GRM3: variants seen among roughly 807,000 people sequenced by gnomAD.
GRM3 encodes the protein glutamate metabotropic receptor 3, also known as metabotropic glutamate receptor 3.
GRM3 carries 26 observed loss-of-function variants against 70.5 expected under a neutral mutation model. The observed-to-expected ratio is 0.37, with a 90% CI of 0.27 to 0.51. The LOEUF (loss-of-function observed/expected upper bound fraction) is 0.51. GRM3 is among the 20% of genes least tolerant of loss of function. The pLI is 0.93. For missense variants in GRM3, 859 were observed against 1,123.8 expected (o/e 0.76, Z 3.37); for synonymous variants, 443 against 434.9 (o/e 1.02, Z -0.23).
At chr7:86,689,850 T>G (rs1006186505) in intron 1 of GRM3, among the ~76,000 whole-genome samples, 1 of 152,166 alleles carries the variant, frequency 6.6e-6, no homozygotes, top group East Asian at 1.9e-4. Context: ...TAGATTTTCA[T>G]AAAATCCCCT....
chr7:86,741,998 G>C (rs563088647), intron 1 of GRM3, among the ~76,000 whole-genome samples: 1 of 152,232 alleles, frequency 6.6e-6, no homozygotes, highest in Admixed American at 6.5e-5. Flanking sequence ...TTCTCATGAA[G>C]CTGCTATTCA....
At chr7:86,680,663 A>C in intron 1 of GRM3, among the ~76,000 whole-genome samples, 1 of 152,146 alleles carries the variant, frequency 6.6e-6, no homozygotes, top group East Asian at 1.9e-4. Context: ...TTTGTTAAAC[A>C]CTAAATGATT....
At chr7:86,676,165 A>G (rs1794301629) in intron 1 of GRM3, among the ~76,000 whole-genome samples, 1 of 151,990 alleles carries the variant, frequency 6.6e-6, no homozygotes, top group Non-Finnish European at 1.5e-5. Context: ...CAATATGTTT[A>G]TATAATTCCA....
chr7:86,685,808 A>G (rs1377404295), intron 1 of GRM3, among the ~76,000 whole-genome samples: 2 of 150,618 alleles, frequency 1.3e-5, no homozygotes. Context: ...CACAAGGCTG[A>G]GGCAAGAGAA....
intron 1 of GRM3, among the ~76,000 whole-genome samples, chr7:86,685,576 T>C (rs1288959055): frequency 1.3e-5 from 2 of 152,112 alleles, no homozygotes; most frequent in Non-Finnish European, 1.5e-5. Flanking sequence ...TGACCTGAAC[T>C]AGTTCATTCT....
chr7:86,842,444 C>G (rs1217237036), intron 4 of GRM3, among the ~76,000 whole-genome samples: 1 of 152,164 alleles, frequency 6.6e-6, no homozygotes, highest in African/African-American at 2.4e-5. Flanking sequence ...CCTGTTGCCC[C>G]TATCTCCCAC....
intron 1 of GRM3, among the ~76,000 whole-genome samples, chr7:86,740,665 G>A (rs948900500): frequency 6.6e-6 from 1 of 152,140 alleles, no homozygotes; most frequent in African/African-American, 2.4e-5. Flanking sequence ...GGTAGAGACA[G>A]GCTGAAAGAA....
chr7:86,759,188 A>G (rs963550921), intron 1 of GRM3, among the ~76,000 whole-genome samples: 2 of 152,090 alleles, frequency 1.3e-5, no homozygotes, highest in African/African-American at 4.8e-5. Flanking sequence ...ATTGTTTTCC[A>G]TTCCTCCTAA....
intron 1 of GRM3, among the ~76,000 whole-genome samples, chr7:86,750,019 T>C (rs1796193902): frequency 1.3e-5 from 2 of 152,024 alleles, no homozygotes; most frequent in Admixed American, 6.6e-5. Context: ...AATGAGCATA[T>C]GTAAAGCAAC....
In GRM3 at chr7:86,765,434, G is replaced by T. The variant is rs1796576571; in HGVS notation, c.289G>T (p.Asp97Tyr). ...PGVKLGVHILDTCSRDTYALE... is the reference protein window; with the variant it reads ...PGVKLGVHILYTCSRDTYALE... Reference sequence around the variant, plus strand: ...AGTGAAGTTGGGTGTTCACATTTTGGATACATGTTCAAGGGATACCTATGC... The same window carrying T: ...AGTGAAGTTGGGTGTTCACATTTTGTATACATGTTCAAGGGATACCTATGC... Residue 97 changes from aspartate (D) to tyrosine (Y), a missense_variant, in exon 2 of 6, where the codon GAT (aspartate) becomes TAT (tyrosine). Transcript: ENST00000361669. 1 of 1,613,784 alleles carries T rather than the reference G, an allele frequency of 6.2e-7. No homozygotes were observed. Among genetic ancestry groups the T allele is most frequent in the Non-Finnish European group, 8.5e-7 (1 of 1,179,886 alleles).
At chr7:86,719,119 G>A (rs1425434200) in intron 1 of GRM3, among the ~76,000 whole-genome samples, 1 of 151,676 alleles carries the variant, frequency 6.6e-6, no homozygotes, top group Non-Finnish European at 1.5e-5. Flanking sequence ...GATCCAAGCA[G>A]TTCTGGGGGA....
intron 1 of GRM3, among the ~76,000 whole-genome samples, chr7:86,725,868 A>G (rs115538891): frequency 0.02 from 3,064 of 152,250 alleles, 88 homozygotes; most frequent in African/African-American, 0.068. Context: ...AGGGGGAAGG[A>G]GGAAGAAGAG....
At chr7:86,647,227 T>C (rs1447382767) in intron 1 of GRM3, among the ~76,000 whole-genome samples, 1 of 152,220 alleles carries the variant, frequency 6.6e-6, no homozygotes, top group Non-Finnish European at 1.5e-5. Context: ...TTCCTCACTT[T>C]TATTTCATGT....
At chr7:86,735,983 G>T (rs549853968) in intron 1 of GRM3, among the ~76,000 whole-genome samples, 18 of 152,254 alleles carry the variant, frequency 1.2e-4, no homozygotes, top group African/African-American at 4.1e-4. Flanking sequence ...CTTGCCCAAG[G>T]CTGTATGGTC....
At chr7:86,849,732 T>C (rs916423246) in intron 4 of GRM3, among the ~76,000 whole-genome samples, 1 of 152,080 alleles carries the variant, frequency 6.6e-6, no homozygotes, top group South Asian at 2.1e-4. Context: ...CTGTCAAGAA[T>C]GGGTGTATAG....
At chr7:86,708,628 A>T (rs1010073494) in intron 1 of GRM3, among the ~76,000 whole-genome samples, 2 of 152,106 alleles carry the variant, frequency 1.3e-5, no homozygotes, top group Non-Finnish European at 2.9e-5. Flanking sequence ...CCAGAGCTGG[A>T]TTTAAACACA....
chr7:86,670,524 T>C (rs73704989), intron 1 of GRM3, among the ~76,000 whole-genome samples: 17,791 of 152,266 alleles, frequency 0.12, 1,175 homozygotes, highest in South Asian at 0.15. Context: ...ACAAATCCAA[T>C]TGGTTCCATT....
chr7:86,777,317 G>A (rs1479373850), intron 2 of GRM3, among the ~76,000 whole-genome samples: 2 of 152,130 alleles, frequency 1.3e-5, no homozygotes, highest in Non-Finnish European at 2.9e-5. Context: ...CAAACTACAG[G>A]AGATGAGTGC....
chr7:86,850,402 C>G lies in GRM3; in HGVS notation c.2424C>G (p.Ser808Arg), dbSNP rs770445892. ...CGACAACCATGTGCATCTCTGTCAG[C>G]CTGAGTGGCTTTGTGGTCTTGGGCT... The part of the protein sequence containing the change: ...VQTTTMCISV[S>R]LSGFVVLGCL... The change falls in exon 5 of 6, where the codon AGC becomes AGG. Residue 808 changes from serine to arginine, a missense_variant. Ser to Arg is a moderately radical substitution (Grantham distance 110). Transcript: ENST00000361669. The G allele has an allele frequency of 1.2e-6, 2 of 1,612,950 alleles. No individual in the cohort carries two copies. The highest frequency in any genetic ancestry group is 8.5e-7 in the Non-Finnish European group (1 of 1,179,224).
Sources: allele counts gnomAD v4.1 joint callset (sites outside exome capture counted in the v4.1 genomes callset), GRCh38; gene constraint gnomAD v4.1.1; transcripts MANE v1.5; gene names NCBI Gene and HGNC (gene_info 2026-07-23, HGNC 2026-07-21).